The following TTLL8 variants were observed in gnomAD, a reference collection of about 807,000 sequenced individuals.
The protein encoded by TTLL8 is protein monoglycylase TTLL8.
A neutral mutation model predicts 77.8 loss-of-function variants in TTLL8; 65 were observed. The ratio of observed to expected loss-of-function variants is 0.84; its 90% CI spans 0.68 to 1.03. The LOEUF (loss-of-function observed/expected upper bound fraction) is 1.03, where lower values mean the gene tolerates loss of function less well. Ranked by LOEUF, TTLL8 falls within the 50% of genes least tolerant of loss-of-function variation. The pLI is 0.00. For synonymous variants in TTLL8, 402 were observed against 422.8 expected (o/e 0.95, Z 0.60); for missense variants, 910 against 1,004.5 (o/e 0.91, Z 1.27).
chr22:50,045,061 T>A, intron 6 of TTLL8, 194 bp downstream of exon 8: 1 of 373,846 alleles, frequency 2.7e-6, no homozygotes, highest in Non-Finnish European at 3.7e-6. Context: ...ACAAACGGGG[T>A]GACTTTGACG....
chr22:50,050,292 G>T (rs1358707889), intron 1 of TTLL8, 45 bp from the exon 4 acceptor site: 18 of 1,288,970 alleles, frequency 1.4e-5, no homozygotes, highest in African/African-American at 3.1e-5. Flanking sequence ...ATCATTTTTG[G>T]GGAATAGGCA....
At chr22:50,027,459 G>A (rs1484625261) in intron 12 of TTLL8, 8 of 219,232 alleles carry the variant, frequency 3.6e-5, no homozygotes, top group East Asian at 1.9e-4. Flanking sequence ...GCTTGAACCC[G>A]GGATATGGAG....
Position 50,034,405 on chromosome 22 carries a change from G to A in TTLL8, c.979C>T (p.Leu327Phe), listed in dbSNP as rs539288919. 4.2e-5 allele frequency: 57 copies of A among 1,367,304 alleles called. No homozygotes were observed. The East Asian group carries it at 2.5e-3, about 61-fold the overall frequency. The allele number at this position is 1,367,304 out of a possible 1,614,324, so 84.7% of individuals were successfully genotyped here. ...GGCTTTATAATCCAGATGTTCCGGA[G>A]CCCGTCAATGTCCGTCTGAGGGTTC... is the stretch of plus-strand genomic sequence containing the variant. Residue 327 changes from leucine to phenylalanine, a missense_variant, in exon 9 of 14, where the codon CTC becomes TTC. Coordinates refer to ENST00000266182, the Ensembl canonical transcript of TTLL8. The surrounding 1 kb of genome is among the most constrained non-coding windows in gnomAD (Gnocchi z 4.1).
upstream of TTLL8, among the ~76,000 whole-genome samples, chr22:50,058,183 C>T (rs1390108913): frequency 2.0e-5 from 3 of 151,672 alleles, no homozygotes; most frequent in East Asian, 5.8e-4. The surrounding 1 kb of genome is among the most constrained non-coding windows in gnomAD (Gnocchi z 4.2). Flanking sequence ...TCGCGCTGCG[C>T]CGCCCGGCTT....
At chr22:50,045,688 C>T (rs2061405934) in intron 5 of TTLL8, 168 bp downstream of exon 7, 2 of 919,776 alleles carry the variant, frequency 2.2e-6, no homozygotes, top group East Asian at 1.2e-4. Context: ...CCCGCCCTCC[C>T]TCCCGGGGCC....
rs2061300809 is a variant in TTLL8, at chr22:50,032,121, A to G, written c.1284-12T>C. ...ACAGGTGGATGGCGCTGCAGGGGGG[A>G]CGAGGGGCAGGTGCTCAGCCTCCCT... On this transcript the variant is annotated splice_polypyrimidine_tract_variant and intron_variant, in intron 10 of 13. Coordinates refer to ENST00000266182, the Ensembl canonical transcript of TTLL8. 1 of 1,345,744 alleles carries G rather than the reference A, an allele frequency of 7.4e-7. No individual in the cohort carries two copies. 83.4% of individuals were successfully genotyped at this position (1,345,744 alleles called of 1,614,324 possible). A position where few individuals can be genotyped will look rare whatever the true frequency, so the allele number is the denominator to read the frequency against.
chr22:50,023,563 T>C (rs1001803769), intron 12 of TTLL8, among the ~76,000 whole-genome samples: 4 of 152,138 alleles, frequency 2.6e-5, no homozygotes, highest in African/African-American at 9.6e-5. Flanking sequence ...TGTGCGCCTG[T>C]CATCCCAGCT....
chr22:50,030,387 G>A, intron 12 of TTLL8, 43 bp downstream of exon 13: 1 of 1,265,808 alleles, frequency 7.9e-7, no homozygotes, highest in Non-Finnish European at 1.0e-6. Flanking sequence ...GATGCAGCAG[G>A]CGGCCCCCAA....
chr22:50,056,820 G>T, upstream of TTLL8: 1 of 1,289,614 alleles, frequency 7.8e-7, no homozygotes, highest in Non-Finnish European at 1.0e-6. This position sits in a 1 kb window ranked among gnomAD's most constrained non-coding sequence, Gnocchi z 4.1. Flanking sequence ...CTCTGAGCCC[G>T]GGCCACTCTG....
chr22:50,045,470 C>A lies in TTLL8; in HGVS notation c.509-81G>T, dbSNP rs765133669. The A allele has an allele frequency of 4.0e-4, 486 of 1,214,166 alleles. 1 individual carries two copies. Among genetic ancestry groups the A allele is most frequent in the Non-Finnish European group, 4.9e-4 (443 of 903,566 alleles). The allele number at this position is 1,214,166 out of a possible 1,614,324, so 75.2% of individuals were successfully genotyped here. ...GATGGGGCCAGGGCCACGGAGGCTC[C>A]CCAACCCGCCCCACTTCCCGCCCTC... is the stretch of plus-strand genomic sequence containing the variant. On this transcript the variant is annotated intron_variant, in intron 5 of 13. Coordinates refer to ENST00000266182, the Ensembl canonical transcript of TTLL8.
chr22:50,057,527 C>CTGGGTTGAGGGTCAGGTT (rs2061485302), upstream of TTLL8, among the ~76,000 whole-genome samples: 27 of 49,112 alleles, frequency 5.5e-4, no homozygotes, highest in African/African-American at 2.5e-3. Flanking sequence ...GGGGTCAGGT[C>CTGGGTTGAGGGTCAGGTT]TGGGTTGAGC....
exon 12 of TTLL8, chr22:50,030,791 C>A: frequency 7.4e-7 from 1 of 1,348,964 alleles, no homozygotes; most frequent in Admixed American, 2.0e-5. Context: ...CCCGTGCCTT[C>A]AGCGGCTGCG....
intron 12 of TTLL8, among the ~76,000 whole-genome samples, chr22:50,024,666 G>C (rs2061221873): frequency 6.6e-6 from 1 of 152,230 alleles, no homozygotes; most frequent in South Asian, 2.1e-4. Context: ...CATATACACA[G>C]ACGGGGTGAT....
chr22:50,023,238 T>G, intron 12 of TTLL8, among the ~76,000 whole-genome samples: 1 of 152,208 alleles, frequency 6.6e-6, no homozygotes, highest in African/African-American at 2.4e-5. Flanking sequence ...TATGCAATAA[T>G]ATTGCTTGGA....
intron 1 of TTLL8, among the ~76,000 whole-genome samples, chr22:50,053,676 A>G (rs767321721): frequency 1.2e-4 from 18 of 152,234 alleles, no homozygotes; most frequent in African/African-American, 2.4e-5. Flanking sequence ...GGACAGTGAG[A>G]GAAAGCACAA....
At chr22:50,055,045 G>A (rs1202821416), upstream of TTLL8, 2 of 730,190 alleles carry the variant, frequency 2.7e-6, no homozygotes, top group Non-Finnish European at 3.3e-6. Flanking sequence ...GGGCAACAAA[G>A]CAAGACTTCA....
At chr22:50,021,303 G>T in intron 12 of TTLL8, among the ~76,000 whole-genome samples, 1 of 137,480 alleles carries the variant, frequency 7.3e-6, no homozygotes, top group South Asian at 2.4e-4. Context: ...TCCATCTGAC[G>T]ATGTGTACTC....
Position 50,034,472 on chromosome 22 carries a change from G to C in TTLL8, c.922-10C>G. ...TCAGCAGAGCCTGGCACTGCGAAAA[G>C]TAATTTCTTGAATTGGAGATGAAAG... On this transcript the variant is annotated splice_polypyrimidine_tract_variant and intron_variant, in intron 8 of 13. Transcript: ENST00000266182. This position sits in a 1 kb window ranked among gnomAD's most constrained non-coding sequence, Gnocchi z 4.1. 1.5e-6 allele frequency: 2 copies of C among 1,365,764 alleles called. No individual in the cohort carries two copies. Among genetic ancestry groups the C allele is most frequent in the Admixed American group, 1.9e-5 (1 of 52,528 alleles). The allele number at this position is 1,365,764 out of a possible 1,614,324, so 84.6% of individuals were successfully genotyped here.
intron 12 of TTLL8, among the ~76,000 whole-genome samples, chr22:50,020,797 G>C (rs961208308): frequency 1.4e-5 from 2 of 146,534 alleles, no homozygotes; most frequent in African/African-American, 2.6e-5. Flanking sequence ...TCCGCCATCT[G>C]ACAACATGCA....
Sources: allele counts gnomAD v4.1 joint callset (sites outside exome capture counted in the v4.1 genomes callset), GRCh38; gene constraint gnomAD v4.1.1; non-coding constraint Gnocchi (gnomAD v3.1); transcripts MANE v1.5; gene names NCBI Gene and HGNC (gene_info 2026-07-23, HGNC 2026-07-21).